The following MLLT3 variants were observed in gnomAD, a reference collection of about 807,000 sequenced individuals.
MLLT3 encodes the protein MLLT3 super elongation complex subunit, also known as protein AF-9.
In MLLT3, 4 loss-of-function variants were observed where a neutral mutation model predicts 53.2. The observed-to-expected ratio is 0.08, with a 90% CI of 0.04 to 0.17. The LOEUF (loss-of-function observed/expected upper bound fraction) is 0.17. Ranked by LOEUF, MLLT3 falls within the 10% of genes least tolerant of loss-of-function variation. The pLI is 1.00. For missense variants in MLLT3, 569 were observed against 684.0 expected, an observed-to-expected ratio of 0.83 and a Z score of 1.87; for synonymous variants, 283 against 230.6, an observed-to-expected ratio of 1.23 and a Z score of -2.06.
intron 2 of MLLT3, among the ~76,000 whole-genome samples, chr9:20,560,982 A>G (rs1250621527): frequency 7.9e-5 from 12 of 152,176 alleles, no homozygotes; most frequent in Admixed American, 5.2e-4. Context: ...ATCAAATGTT[A>G]TATCTATAAA....
chr9:20,471,966 G>C (rs1375397141), intron 2 of MLLT3, among the ~76,000 whole-genome samples: 1 of 151,736 alleles, frequency 6.6e-6, no homozygotes, highest in East Asian at 1.9e-4. Flanking sequence ...TATATTATTA[G>C]AATAGCATAA....
intron 2 of MLLT3, among the ~76,000 whole-genome samples, chr9:20,503,270 C>T (rs991173550): frequency 6.6e-6 from 1 of 152,224 alleles, no homozygotes; most frequent in Admixed American, 6.5e-5. Context: ...AAGCTAGAGG[C>T]ATCACACTAT....
Position 20,622,304 on chromosome 9 carries a change from T to C in MLLT3, c.-48A>G, listed in dbSNP as rs749238417. 1 of 1,441,550 alleles carries C rather than the reference T, an allele frequency of 6.9e-7. No individual in the cohort carries two copies. Among genetic ancestry groups the C allele is most frequent in the South Asian group, 1.3e-5 (1 of 76,158 alleles). The allele number at this position is 1,441,550 out of a possible 1,614,324, so 89.3% of individuals were successfully genotyped here. On this transcript the variant is annotated 5_prime_UTR_variant, in exon 1 of 11. Coordinates refer to ENST00000380338, the MANE Select transcript of MLLT3 (RefSeq NM_004529.4). ...TGGGGTGTTGTGTGGTACCCCCCCCTCCTCCGCCCCCCCTCAGCTGTAATT... is the reference window on the plus strand; with the variant it reads ...TGGGGTGTTGTGTGGTACCCCCCCCCCCTCCGCCCCCCCTCAGCTGTAATT...
chr9:20,354,188 T>G (rs1462239751), intron 9 of MLLT3, among the ~76,000 whole-genome samples: 1 of 152,224 alleles, frequency 6.6e-6, no homozygotes, highest in Non-Finnish European at 1.5e-5. Flanking sequence ...CAGGGATCAC[T>G]ATCTAATTAT....
chr9:20,428,821 T>C (rs1057177576), intron 4 of MLLT3, among the ~76,000 whole-genome samples: 1 of 152,064 alleles, frequency 6.6e-6, no homozygotes, highest in African/African-American at 2.4e-5. Flanking sequence ...TCTACAAGTA[T>C]AGCACAGATA....
At chr9:20,397,408 A>G (rs979211790) in intron 5 of MLLT3, among the ~76,000 whole-genome samples, 3 of 152,112 alleles carry the variant, frequency 2.0e-5, no homozygotes, top group Admixed American at 2.0e-4. Context: ...ATAAGCTAGC[A>G]CCCACCAGCG....
chr9:20,347,987 C>G (rs901473972), intron 10 of MLLT3, among the ~76,000 whole-genome samples: 70 of 152,128 alleles, frequency 4.6e-4, no homozygotes, highest in African/African-American at 1.6e-3. Context: ...AGGTCAGTGG[C>G]TCTTAATAGA....
At chr9:20,537,889 C>T (rs1818526936) in intron 2 of MLLT3, among the ~76,000 whole-genome samples, 1 of 152,112 alleles carries the variant, frequency 6.6e-6, no homozygotes, top group African/African-American at 2.4e-5. Flanking sequence ...TTCATCTTAG[C>T]CTAGGTTTGA....
chr9:20,376,189 T>C (rs1420498226), intron 5 of MLLT3, among the ~76,000 whole-genome samples: 2 of 152,222 alleles, frequency 1.3e-5, no homozygotes, highest in Non-Finnish European at 2.9e-5. Flanking sequence ...GCAACCTTTA[T>C]TGCTAGACAC....
At chr9:20,439,130 G>C (rs1416495945) in intron 4 of MLLT3, among the ~76,000 whole-genome samples, 1 of 152,110 alleles carries the variant, frequency 6.6e-6, no homozygotes, top group Non-Finnish European at 1.5e-5. Flanking sequence ...GAGGTGGGCA[G>C]ATCATTTGAG....
At chr9:20,598,671 G>T (rs756516235) in intron 2 of MLLT3, among the ~76,000 whole-genome samples, 4 of 152,138 alleles carry the variant, frequency 2.6e-5, no homozygotes, top group Non-Finnish European at 4.4e-5. Flanking sequence ...TCAGTAAACT[G>T]AATCCATCTA....
intron 2 of MLLT3, among the ~76,000 whole-genome samples, chr9:20,534,121 C>T (rs189040697): frequency 1.3e-5 from 2 of 152,180 alleles, no homozygotes; most frequent in African/African-American, 2.4e-5. Flanking sequence ...AAAAAAGCTA[C>T]CACCAGAATA....
chr9:20,591,634 A>G (rs973503066), intron 2 of MLLT3, among the ~76,000 whole-genome samples: 5 of 152,212 alleles, frequency 3.3e-5, no homozygotes, highest in African/African-American at 9.6e-5. Flanking sequence ...AATCACCTGA[A>G]AATTACCAAA....
intron 2 of MLLT3, among the ~76,000 whole-genome samples, chr9:20,457,242 T>G (rs950563107): frequency 7.3e-6 from 1 of 137,294 alleles, no homozygotes. Flanking sequence ...GGACATCTTT[T>G]TTTTTTTTTT....
At chr9:20,378,593 G>T (rs1245326014) in intron 5 of MLLT3, among the ~76,000 whole-genome samples, 12 of 151,962 alleles carry the variant, frequency 7.9e-5, no homozygotes, top group Non-Finnish European at 1.8e-4. Flanking sequence ...CCCCCTAGAA[G>T]TTTGAAATTA....
intron 1 of MLLT3, 24 bp downstream of exon 1, chr9:20,622,221 A>C: frequency 6.2e-7 from 1 of 1,600,186 alleles, no homozygotes; most frequent in Non-Finnish European, 8.5e-7. Context: ...GAGGGCTTTT[A>C]TTATTATTTT....
chr9:20,593,705 G>C, intron 2 of MLLT3, among the ~76,000 whole-genome samples: 1 of 152,138 alleles, frequency 6.6e-6, no homozygotes, highest in Non-Finnish European at 1.5e-5. Context: ...TGACTCAGAA[G>C]AAACAATAGG....
chr9:20,397,923 AAG>A (rs1235978365), intron 5 of MLLT3, among the ~76,000 whole-genome samples: 2 of 152,128 alleles, frequency 1.3e-5, no homozygotes, highest in East Asian at 3.9e-4. Flanking sequence ...AGTGCCAACA[AAG>A]ACACAACTAA....
intron 2 of MLLT3, among the ~76,000 whole-genome samples, chr9:20,561,736 C>A (rs985037899): frequency 3.3e-5 from 5 of 152,238 alleles, no homozygotes; most frequent in Non-Finnish European, 4.4e-5. Context: ...AAGTTTACAT[C>A]CACAAATCTG....
Sources: gnomAD v4.1 joint callset for allele counts (sites outside exome capture counted in the v4.1 genomes callset) on GRCh38, gnomAD v4.1.1 for gene constraint, MANE v1.5 for transcripts, NCBI Gene and HGNC (gene_info 2026-07-23, HGNC 2026-07-21) for gene names.